The following PRKCA variants were observed in gnomAD, a reference collection of about 807,000 sequenced individuals.
PRKCA encodes protein kinase C alpha, also known as protein kinase C alpha type.
In PRKCA, 27 loss-of-function variants were observed where a neutral mutation model predicts 87.0. The ratio of observed to expected loss-of-function variants is 0.31; its 90% CI spans 0.23 to 0.43. The LOEUF is 0.43. Ranked by LOEUF, PRKCA falls within the 20% of genes least tolerant of loss-of-function variation. The probability of loss-of-function intolerance (pLI) is 1.00; values close to 1 mark genes in which losing one functional copy is unlikely to be tolerated. For synonymous variants in PRKCA, 329 were observed against 311.1 expected (o/e 1.06, Z -0.61); for missense variants, 518 against 852.3 (o/e 0.61, Z 4.88).
chr17:66,377,931 T>C (rs963107960), intron 2 of PRKCA, among the ~76,000 whole-genome samples: 4 of 151,910 alleles, frequency 2.6e-5, no homozygotes, highest in Admixed American at 6.6e-5. Flanking sequence ...CTGCTTATTA[T>C]TGTCATTACT....
At chr17:66,609,559 T>C (rs549591522) in intron 3 of PRKCA, among the ~76,000 whole-genome samples, 1 of 152,310 alleles carries the variant, frequency 6.6e-6, no homozygotes, top group Admixed American at 6.5e-5. Context: ...TTGCCTGTCA[T>C]GTAAATATAT....
intron 5 of PRKCA, among the ~76,000 whole-genome samples, chr17:66,651,463 G>A (rs1176675461): frequency 6.6e-6 from 1 of 152,158 alleles, no homozygotes; most frequent in Non-Finnish European, 1.5e-5. Context: ...TATCATTGCT[G>A]GGTAAGGAGA....
At chr17:66,543,498 T>C (rs1968054548) in intron 3 of PRKCA, among the ~76,000 whole-genome samples, 1 of 152,178 alleles carries the variant, frequency 6.6e-6, no homozygotes, top group South Asian at 2.1e-4. Flanking sequence ...TACTAGTATG[T>C]TGCTTGAAAC....
chr17:66,405,987 A>C (rs1911348661), intron 2 of PRKCA, among the ~76,000 whole-genome samples: 1 of 152,208 alleles, frequency 6.6e-6, no homozygotes. Context: ...TCATTAAAAA[A>C]TGTGGCTTCC....
At chr17:66,564,533 G>A (rs1309710480) in intron 3 of PRKCA, among the ~76,000 whole-genome samples, 2 of 152,166 alleles carry the variant, frequency 1.3e-5, no homozygotes, top group Non-Finnish European at 2.9e-5. Flanking sequence ...TGTTTCTCAG[G>A]TACCTGCTAT....
At chr17:66,698,653 AAG>A (rs1448009280) in intron 8 of PRKCA, among the ~76,000 whole-genome samples, 1 of 152,162 alleles carries the variant, frequency 6.6e-6, no homozygotes, top group Middle Eastern at 3.4e-3. Flanking sequence ...AGAAGGGAAA[AAG>A]AGAAAGGGGA....
At chr17:66,509,515 G>A (rs1389744700) in intron 3 of PRKCA, among the ~76,000 whole-genome samples, 4 of 152,172 alleles carry the variant, frequency 2.6e-5, no homozygotes, top group African/African-American at 7.2e-5. Flanking sequence ...TTACTTGGAG[G>A]GAGAGGCAGT....
chr17:66,617,871 G>C (rs907074853), intron 3 of PRKCA, among the ~76,000 whole-genome samples: 1 of 152,124 alleles, frequency 6.6e-6, no homozygotes, highest in South Asian at 2.1e-4. Flanking sequence ...CCAAGATTGA[G>C]AGTTTTGTCA....
chr17:66,729,605 T>C (rs931411236), intron 8 of PRKCA, among the ~76,000 whole-genome samples: 1 of 152,066 alleles, frequency 6.6e-6, no homozygotes, highest in Admixed American at 6.6e-5. Context: ...GTGTTTCCAC[T>C]ACATGCTGCC....
At chr17:66,770,539 A>G (rs1375019334) in intron 13 of PRKCA, among the ~76,000 whole-genome samples, 1 of 152,246 alleles carries the variant, frequency 6.6e-6, no homozygotes, top group East Asian at 1.9e-4. Context: ...GCTGACTCCC[A>G]GATGTGTAAG....
chr17:66,656,450 G>A (rs1338801551), intron 5 of PRKCA, among the ~76,000 whole-genome samples: 4 of 152,184 alleles, frequency 2.6e-5, no homozygotes, highest in Non-Finnish European at 5.9e-5. Context: ...TCATTCTTGT[G>A]CAGGATTTTA....
chr17:66,784,381 G>T (rs561062220), intron 14 of PRKCA, among the ~76,000 whole-genome samples: 1 of 152,336 alleles, frequency 6.6e-6, no homozygotes, highest in South Asian at 2.1e-4. Flanking sequence ...GAGGAGCTGG[G>T]ACTACAGGCG....
rs1975993969 is a variant in PRKCA at position 66,804,870 on chromosome 17, C to G, written c.*833C>G. The G allele has an allele frequency of 3.0e-6, 1 of 337,910 alleles. No homozygotes were observed. The highest frequency in any genetic ancestry group is 1.2e-4 in the South Asian group (1 of 8,334). 20.9% of individuals were successfully genotyped at this position (337,910 alleles called of 1,614,324 possible). On this transcript the variant is annotated 3_prime_UTR_variant, in exon 17 of 17. Coordinates refer to ENST00000413366, the MANE Select transcript of PRKCA (RefSeq NM_002737.3). ...ATTATTTTTCCATCCAGGGTGCCATCAGTAATCATGCCACTACTCACCAGT... is the reference window on the plus strand; with the variant it reads ...ATTATTTTTCCATCCAGGGTGCCATGAGTAATCATGCCACTACTCACCAGT...
In PRKCA at chr17:66,338,252, T is replaced by A. The variant is rs571143217; in HGVS notation, c.205+32125T>A. On this transcript the variant is annotated intron_variant, in intron 2 of 16. Coordinates refer to ENST00000413366, the MANE Select transcript of PRKCA (RefSeq NM_002737.3). ...AATAACCAGAAAACATTGGTTTTCTTTGGTCACTGACCAAGCTTGTCACTA... is the reference window on the plus strand; with the variant it reads ...AATAACCAGAAAACATTGGTTTTCTATGGTCACTGACCAAGCTTGTCACTA... 2.6e-5 allele frequency among the ~76,000 whole-genome samples: 4 copies of A among 152,244 alleles called. No homozygotes were observed. The South Asian group carries it at 8.3e-4, about 32-fold the overall frequency.
At chr17:66,681,554 CT>C (rs1972494661) in intron 5 of PRKCA, among the ~76,000 whole-genome samples, 1 of 152,160 alleles carries the variant, frequency 6.6e-6, no homozygotes, top group Non-Finnish European at 1.5e-5. Context: ...GTCCTGGGTT[CT>C]CTTCTAATGC....
chr17:66,743,841 A>G (rs1208231905), intron 13 of PRKCA, among the ~76,000 whole-genome samples: 1 of 152,200 alleles, frequency 6.6e-6, no homozygotes, highest in African/African-American at 2.4e-5. Context: ...AGGGATAGTG[A>G]AAAAGGCACC....
At chr17:66,320,501 G>T (rs984570725) in intron 2 of PRKCA, among the ~76,000 whole-genome samples, 2 of 152,066 alleles carry the variant, frequency 1.3e-5, no homozygotes, top group Non-Finnish European at 2.9e-5. Context: ...AACTCTAGGA[G>T]TTTTACCAGG....
chr17:66,566,480 G>GTTTT lies in PRKCA; in HGVS notation c.288+70216_288+70219dup, dbSNP rs56912157. Among the ~76,000 whole-genome samples the GTTTT allele has an allele frequency of 1.9e-3, 189 of 97,020 alleles. 4 individuals carry two copies. Among genetic ancestry groups the GTTTT allele is most frequent in the Non-Finnish European group, 2.7e-3 (130 of 48,810 alleles). 63.6% of individuals were successfully genotyped at this position (97,020 alleles called of 152,430 possible). A position where few individuals can be genotyped will look rare whatever the true frequency, so the allele number is the denominator to read the frequency against. ...TGTGAAGAACTGTTGTTGTTTTTTG[G>GTTTT]TTTTTTTTTTTTTTTTTTTTTTGCA... On this transcript the variant is annotated intron_variant, in intron 3 of 16. Coordinates refer to ENST00000413366, the MANE Select transcript of PRKCA (RefSeq NM_002737.3).
chr17:66,391,226 G>A (rs888055918), intron 2 of PRKCA, among the ~76,000 whole-genome samples: 3 of 152,188 alleles, frequency 2.0e-5, no homozygotes, highest in Admixed American at 6.5e-5. Flanking sequence ...GTCCCCACAC[G>A]TGGACAGATT....
Sources: gnomAD v4.1 joint callset for allele counts (sites outside exome capture counted in the v4.1 genomes callset) on GRCh38, gnomAD v4.1.1 for gene constraint, MANE v1.5 for transcripts, NCBI Gene and HGNC (gene_info 2026-07-23, HGNC 2026-07-21) for gene names.